Variants in SLC41A2 observed in about 807,000 individuals in gnomAD.
SLC41A2 encodes the protein SLC41A1-like 1.
Under a neutral mutation model 58.3 loss-of-function variants are expected in SLC41A2, and 32 were observed. The ratio of observed to expected loss-of-function variants is 0.55; its 90% CI spans 0.41 to 0.74. The LOEUF is 0.74. Ranked by LOEUF, SLC41A2 falls within the 30% of genes least tolerant of loss-of-function variation. The probability of loss-of-function intolerance (pLI) is 0.00; values close to 1 mark genes in which losing one functional copy is unlikely to be tolerated. For synonymous variants in SLC41A2, 190 were observed against 235.0 expected, an observed-to-expected ratio of 0.81 and a Z score of 1.75; for missense variants, 514 against 680.6, an observed-to-expected ratio of 0.76 and a Z score of 2.72.
chr12:104,819,152 A>G (rs1033495049), intron 10 of SLC41A2, among the ~76,000 whole-genome samples: 3 of 152,312 alleles, frequency 2.0e-5, no homozygotes, highest in African/African-American at 7.2e-5. Context: ...TCTCAATAAA[A>G]TCCCAAAGGA....
At chr12:104,822,687 CT>C (rs1277794104) in intron 10 of SLC41A2, among the ~76,000 whole-genome samples, 1 of 152,026 alleles carries the variant, frequency 6.6e-6, no homozygotes, top group Non-Finnish European at 1.5e-5. Context: ...AGACCTATTT[CT>C]TAAGTAGGGG....
chr12:104,895,749 G>A (rs2045248609), intron 3 of SLC41A2, among the ~76,000 whole-genome samples: 1 of 151,992 alleles, frequency 6.6e-6, no homozygotes, highest in South Asian at 2.1e-4. Flanking sequence ...GTAACTTAAA[G>A]AATTATTGAC....
Position 104,928,150 on chromosome 12 carries a change from G to C in SLC41A2, c.378C>G (p.Thr126=). The change falls in exon 2 of 11, where the codon ACC becomes ACG. Residue 126 remains threonine, a synonymous_variant. Transcript: ENST00000258538. Reference sequence around the variant, plus strand: ...TATCTTCATCTTGTAACATGGCAGTGGTTTCTGAAGTCTCCCTTCCATCAC... The same window carrying C: ...TATCTTCATCTTGTAACATGGCAGTCGTTTCTGAAGTCTCCCTTCCATCAC... ...NYCDGRETSE[T]TAMLQDEDIS... 1.2e-6 allele frequency: 2 copies of C among 1,614,078 alleles called. No individual in the cohort carries two copies. Among genetic ancestry groups the C allele is most frequent in the Non-Finnish European group, 1.7e-6 (2 of 1,179,994 alleles).
At chr12:104,849,937 C>A (rs770831701) in intron 8 of SLC41A2, among the ~76,000 whole-genome samples, 7 of 152,192 alleles carry the variant, frequency 4.6e-5, no homozygotes, top group Non-Finnish European at 1.0e-4. Flanking sequence ...ATATGTACAA[C>A]AGTTCGAAGA....
At chr12:104,939,369 T>C (rs879939754) in intron 1 of SLC41A2, among the ~76,000 whole-genome samples, 1 of 152,140 alleles carries the variant, frequency 6.6e-6, no homozygotes, top group Non-Finnish European at 1.5e-5. Context: ...AGCTAATTTT[T>C]AAATAGTTTG....
At chr12:104,914,603 C>T (rs896847171) in intron 2 of SLC41A2, among the ~76,000 whole-genome samples, 1 of 152,156 alleles carries the variant, frequency 6.6e-6, no homozygotes, top group Non-Finnish European at 1.5e-5. Flanking sequence ...CTTAAAATAT[C>T]CCACAGTAAC....
At chr12:104,865,690 T>C (rs556902934) in intron 7 of SLC41A2, among the ~76,000 whole-genome samples, 1 of 152,312 alleles carries the variant, frequency 6.6e-6, no homozygotes, top group South Asian at 2.1e-4. Flanking sequence ...ACTGTCCTTT[T>C]AGTAATTTCA....
At chr12:104,856,583 AG>A (rs1281518607) in intron 8 of SLC41A2, among the ~76,000 whole-genome samples, 1 of 152,172 alleles carries the variant, frequency 6.6e-6, no homozygotes, top group East Asian at 1.9e-4. Flanking sequence ...TGTAAGCTAA[AG>A]GGAAAAGATG....
At chr12:104,876,998 T>G (rs7311642) in intron 6 of SLC41A2, among the ~76,000 whole-genome samples, 7,931 of 152,272 alleles carry the variant, frequency 0.052, 470 homozygotes, top group African/African-American at 0.15. Context: ...AATTGTTATA[T>G]CTTCTTGATG....
intron 3 of SLC41A2, among the ~76,000 whole-genome samples, chr12:104,901,503 C>A (rs144964655): frequency 6.6e-6 from 1 of 152,080 alleles, no homozygotes; most frequent in African/African-American, 2.4e-5. Context: ...TTGGATACAT[C>A]ATTTTTTAAT....
rs1420288911 is a variant in SLC41A2, at chr12:104,886,318, T to C, written c.1002A>G (p.Ile334Met). ...CAAGACAGGAGTATAAGCCCTGACT[T>C]ATCCAAGCCAATATGGCAAGAGTTA... Reference protein sequence around the residue: ...DLITLAILAWISQGLYSCLET... With the variant: ...DLITLAILAWMSQGLYSCLET... Residue 334 changes from isoleucine to methionine, a missense_variant, in exon 6 of 11, where the codon ATA (isoleucine) becomes ATG (methionine). Coordinates refer to ENST00000258538, the MANE Select transcript of SLC41A2 (RefSeq NM_001352171.3). 4 of 1,613,570 alleles carry C rather than the reference T, an allele frequency of 2.5e-6. No individual in the cohort carries two copies. The highest frequency in any genetic ancestry group is 2.5e-6 in the Non-Finnish European group (3 of 1,179,620).
At chr12:104,895,433 A>C in intron 3 of SLC41A2, 88 bp from the exon 4 acceptor site, 1 of 867,930 alleles carries the variant, frequency 1.2e-6, no homozygotes, top group Admixed American at 2.1e-5. Flanking sequence ...CTTAAAGCCC[A>C]AAATAATTCT....
intron 8 of SLC41A2, among the ~76,000 whole-genome samples, chr12:104,854,519 C>T (rs979514167): frequency 1.3e-4 from 20 of 151,490 alleles, no homozygotes; most frequent in African/African-American, 4.4e-4. Context: ...GCCGAGATCG[C>T]GCCACTGCAG....
intron 10 of SLC41A2, among the ~76,000 whole-genome samples, chr12:104,817,556 T>A (rs886361146): frequency 6.6e-6 from 1 of 152,114 alleles, no homozygotes; most frequent in Admixed American, 6.6e-5. Flanking sequence ...CGTTATCCTA[T>A]AGGCTTTTTC....
At chr12:104,946,852 A>G (rs2047736668) in intron 1 of SLC41A2, among the ~76,000 whole-genome samples, 1 of 152,204 alleles carries the variant, frequency 6.6e-6, no homozygotes, top group Non-Finnish European at 1.5e-5. Context: ...TGATAATGAG[A>G]GCAGTTAAGA....
intron 1 of SLC41A2, among the ~76,000 whole-genome samples, chr12:104,946,228 A>G (rs2047713364): frequency 2.0e-5 from 3 of 152,184 alleles, no homozygotes; most frequent in Admixed American, 2.0e-4. Context: ...TCAAAATCCC[A>G]TAACTGGGTT....
chr12:104,906,960 T>A (rs1451398965), intron 3 of SLC41A2, among the ~76,000 whole-genome samples: 1 of 152,208 alleles, frequency 6.6e-6, no homozygotes, highest in Non-Finnish European at 1.5e-5. Context: ...AAAATAGCCC[T>A]CAGGAATCAT....
intron 1 of SLC41A2, among the ~76,000 whole-genome samples, chr12:104,939,831 A>G (rs1319320750): frequency 6.6e-6 from 1 of 152,210 alleles, no homozygotes; most frequent in Non-Finnish European, 1.5e-5. Flanking sequence ...GCAGATATGT[A>G]TATTTATATA....
Position 104,928,502 on chromosome 12 carries a change from A to G in SLC41A2, c.26T>C (p.Ile9Thr). The G allele has an allele frequency of 6.6e-7, 1 of 1,521,842 alleles. No homozygotes were observed. The highest frequency in any genetic ancestry group is 8.8e-7 in the Non-Finnish European group (1 of 1,133,714). 94.3% of individuals were successfully genotyped at this position (1,521,842 alleles called of 1,614,324 possible). ...TGGACCACCACTTGTTTTATCGGTA[A>G]TAGATCTTCCTTTACTATTAGTCAT... is the stretch of plus-strand genomic sequence containing the variant. MTNSKGRSITDKTSGGPSS... is the reference protein window; with the variant it reads MTNSKGRSTTDKTSGGPSS... Residue 9 changes from isoleucine (I) to threonine (T), a missense_variant, in exon 2 of 11, where the codon ATT (isoleucine) becomes ACT (threonine). Ile to Thr is a moderately conservative substitution (Grantham distance 89, BLOSUM62 -1). This residue lies in a region of SLC41A2 where 336 missense variants were observed against 430.0 expected (regional missense o/e 0.78). Transcript: ENST00000258538.
Sources: allele counts gnomAD v4.1 joint callset (sites outside exome capture counted in the v4.1 genomes callset), GRCh38; gene constraint gnomAD v4.1.1; regional missense constraint gnomAD v4.1.1; transcripts MANE v1.5; gene names NCBI Gene and HGNC (gene_info 2026-07-23, HGNC 2026-07-21).